TRHDE: variants seen among roughly 807,000 people sequenced by gnomAD.
TRHDE encodes thyrotropin releasing hormone degrading enzyme.
TRHDE carries 72 observed loss-of-function variants against 125.7 expected under a neutral mutation model. The ratio of observed to expected loss-of-function variants is 0.57; its 90% CI spans 0.47 to 0.70. The LOEUF is 0.70. TRHDE is among the 30% of genes least tolerant of loss of function. TRHDE has a pLI of 0.00. For synonymous variants in TRHDE, 509 were observed against 509.1 expected (o/e 1.00, Z 0.00); for missense variants, 1,110 against 1,327.1 (o/e 0.84, Z 2.54).
At chr12:72,223,540 C>T (rs976684) in intron 2 of TRHDE, among the ~76,000 whole-genome samples, 50,630 of 151,930 alleles carry the variant, frequency 0.33, 8,815 homozygotes, top group Middle Eastern at 0.38. Flanking sequence ...TGTCTCAGTA[C>T]ACATAGAATC....
intron 2 of TRHDE, among the ~76,000 whole-genome samples, chr12:72,252,538 C>T (rs1049246792): frequency 1.1e-4 from 16 of 152,090 alleles, no homozygotes; most frequent in African/African-American, 3.4e-4. Context: ...GTCTTGAGTA[C>T]TGTTACTGTA....
intron 12 of TRHDE, among the ~76,000 whole-genome samples, chr12:72,578,938 T>C (rs1871119455): frequency 6.6e-6 from 1 of 151,792 alleles, no homozygotes; most frequent in African/African-American, 2.4e-5. Context: ...ATATTTGGCA[T>C]GTATTTATCT....
At chr12:72,595,210 G>A (rs916209719) in intron 12 of TRHDE, among the ~76,000 whole-genome samples, 4 of 151,100 alleles carry the variant, frequency 2.6e-5, no homozygotes, top group Non-Finnish European at 5.9e-5. Context: ...ACATGTATAG[G>A]TATGTAACTA....
intron 2 of TRHDE, among the ~76,000 whole-genome samples, chr12:72,121,979 C>G (rs1055538596): frequency 6.6e-6 from 1 of 152,094 alleles, no homozygotes; most frequent in Admixed American, 6.6e-5. Flanking sequence ...TTTTCTCTGT[C>G]TCTACCCTCC....
intron 5 of TRHDE, among the ~76,000 whole-genome samples, chr12:72,494,774 G>A (rs1448475166): frequency 6.6e-6 from 1 of 151,970 alleles, no homozygotes; most frequent in Non-Finnish European, 1.5e-5. Context: ...AGATGCTACT[G>A]AATACCAATA....
At chr12:72,528,107 T>C (rs1016171832) in intron 6 of TRHDE, among the ~76,000 whole-genome samples, 3 of 152,190 alleles carry the variant, frequency 2.0e-5, no homozygotes, top group African/African-American at 7.2e-5. Flanking sequence ...TTATGCCATC[T>C]TTTATATTAG....
chr12:72,566,038 G>A (rs1870426399), intron 9 of TRHDE, among the ~76,000 whole-genome samples: 1 of 151,924 alleles, frequency 6.6e-6, no homozygotes, highest in Non-Finnish European at 1.5e-5. Context: ...ACTATGTTTA[G>A]GGTCTTCTAG....
chr12:72,312,095 T>C (rs1868571974), intron 2 of TRHDE, among the ~76,000 whole-genome samples: 1 of 152,170 alleles, frequency 6.6e-6, no homozygotes, highest in Non-Finnish European at 1.5e-5. Flanking sequence ...GAGAAGTAGG[T>C]ACTGTTATCA....
At chr12:72,520,726 C>T (rs1177555007) in intron 6 of TRHDE, among the ~76,000 whole-genome samples, 11 of 152,108 alleles carry the variant, frequency 7.2e-5, no homozygotes, top group Admixed American at 7.2e-4. Context: ...AAATTTTTGC[C>T]TGAAACAGTG....
intron 15 of TRHDE, among the ~76,000 whole-genome samples, chr12:72,647,118 C>T (rs760500463): frequency 2.0e-5 from 3 of 152,004 alleles, no homozygotes; most frequent in Admixed American, 6.6e-5. Flanking sequence ...AATTATACCA[C>T]ATACTTTTCC....
intron 3 of TRHDE, among the ~76,000 whole-genome samples, chr12:72,379,979 AAAACCCCT>A (rs1291482370): frequency 6.6e-6 from 1 of 152,214 alleles, no homozygotes; most frequent in East Asian, 1.9e-4. Context: ...CCCTTACATA[AAAACCCCT>A]AAGCACATAC....
At chr12:72,556,354 T>C (rs983713459) in intron 7 of TRHDE, among the ~76,000 whole-genome samples, 3 of 152,194 alleles carry the variant, frequency 2.0e-5, no homozygotes, top group Admixed American at 6.5e-5. Context: ...CATTGAATCA[T>C]TGGGAAGGAT....
intron 12 of TRHDE, among the ~76,000 whole-genome samples, chr12:72,588,069 T>C (rs1324987957): frequency 6.6e-6 from 1 of 152,160 alleles, no homozygotes; most frequent in Non-Finnish European, 1.5e-5. Context: ...CAAGCATCTT[T>C]CACGGACAAA....
chr12:72,378,205 A>G (rs1871984679), intron 3 of TRHDE, 84 bp downstream of exon 3: 2 of 1,278,498 alleles, frequency 1.6e-6, no homozygotes, highest in Non-Finnish European at 2.1e-6. Context: ...GCCATCCAGA[A>G]GCATGAAAAT....
chr12:72,645,233 A>C (rs952751287), intron 15 of TRHDE, among the ~76,000 whole-genome samples: 2 of 152,222 alleles, frequency 1.3e-5, no homozygotes, highest in African/African-American at 4.8e-5. Context: ...AGTACAGTGC[A>C]TTAAAAAATG....
chr12:72,095,666 G>C (rs1021953044), intron 1 of TRHDE, among the ~76,000 whole-genome samples: 3 of 152,178 alleles, frequency 2.0e-5, no homozygotes, highest in African/African-American at 7.2e-5. Context: ...CACGCTGGTA[G>C]GATATTTTCC....
rs1592440607 is a variant in TRHDE, at chr12:72,432,615, C to A, written c.1316-37143C>A. Among the ~76,000 whole-genome samples the A allele has an allele frequency of 2.6e-5, 4 of 152,226 alleles. 1 individual carries two copies. Among genetic ancestry groups the A allele is most frequent in the Admixed American group, 2.6e-4 (4 of 15,282 alleles). On this transcript the variant is annotated intron_variant, in intron 3 of 18. Transcript: ENST00000261180. Reference sequence around the variant, plus strand: ...TTTCCCACCACTCTGACCCATCCCCCACAGCAGACATCATCAAACATTTGA... The same window carrying A: ...TTTCCCACCACTCTGACCCATCCCCAACAGCAGACATCATCAAACATTTGA...
At chr12:72,582,189 G>T in intron 12 of TRHDE, 1 of 931,858 alleles carries the variant, frequency 1.1e-6, no homozygotes, top group Middle Eastern at 5.6e-4. Flanking sequence ...GAATATATAA[G>T]TTAAAAAATA....
chr12:72,545,954 A>G (rs12812679), intron 7 of TRHDE, among the ~76,000 whole-genome samples: 2,056 of 151,714 alleles, frequency 0.014, 17 homozygotes, highest in Middle Eastern at 0.041. Context: ...TTTTGCATTT[A>G]GGTATATTGG....
Sources: allele counts gnomAD v4.1 joint callset (sites outside exome capture counted in the v4.1 genomes callset), GRCh38; gene constraint gnomAD v4.1.1; transcripts MANE v1.5; gene names NCBI Gene and HGNC (gene_info 2026-07-23, HGNC 2026-07-21).